ANK2: variants seen among roughly 807,000 people sequenced by gnomAD.
ANK2 encodes ankyrin 2.
Under a neutral mutation model 360.5 loss-of-function variants are expected in ANK2, and 83 were observed. The ratio of observed to expected loss-of-function variants is 0.23; its 90% confidence interval spans 0.19 to 0.28. ANK2 has a LOEUF of 0.28. Ranked by LOEUF, ANK2 falls within the 10% of genes least tolerant of loss-of-function variation. The pLI is 1.00. For missense variants in ANK2, 4,201 were observed against 4,795.7 expected (o/e 0.88, Z 3.66); for synonymous variants, 1,740 against 1,759.5 (o/e 0.99, Z 0.28).
chr4:112,777,720 C>T, the ANK2 span, among the ~76,000 whole-genome samples: 1 of 150,964 alleles, frequency 6.6e-6, no homozygotes, highest in Non-Finnish European at 1.5e-5. Flanking sequence ...CAGGTTCAAC[C>T]GATTCTCCTG....
intron 2 of ANK2, among the ~76,000 whole-genome samples, chr4:112,973,310 T>G (rs1414449908): frequency 1.3e-5 from 2 of 152,196 alleles, no homozygotes; most frequent in East Asian, 3.8e-4. Context: ...CACAAAACTC[T>G]AGCAAATAGG....
At chr4:112,836,869 A>C (rs1321311753) in intron 1 of ANK2, among the ~76,000 whole-genome samples, 1 of 152,202 alleles carries the variant, frequency 6.6e-6, no homozygotes, top group East Asian at 1.9e-4. Flanking sequence ...CTTATGTTTA[A>C]AAGGGAAACA....
chr4:112,969,155 T>C (rs77108969), intron 2 of ANK2, among the ~76,000 whole-genome samples: 1,599 of 152,340 alleles, frequency 0.01, 16 homozygotes, highest in South Asian at 0.017. Context: ...AGTTAATGAA[T>C]GATGGTATCT....
the ANK2 span, among the ~76,000 whole-genome samples, chr4:112,728,097 A>G: frequency 6.6e-6 from 1 of 151,980 alleles, no homozygotes; most frequent in Non-Finnish European, 1.5e-5. Flanking sequence ...GTTCAAGAGC[A>G]GCCTGTCCAA....
chr4:112,830,614 TA>T (rs142979538), intron 1 of ANK2, among the ~76,000 whole-genome samples: 17,859 of 145,330 alleles, frequency 0.12, 1,752 homozygotes, highest in African/African-American at 0.28. Flanking sequence ...CAATTATTAT[TA>T]TTATTTTTTT....
intron 4 of ANK2, among the ~76,000 whole-genome samples, chr4:113,231,384 C>A (rs965222772): frequency 6.6e-6 from 1 of 152,084 alleles, no homozygotes; most frequent in East Asian, 1.9e-4. Context: ...AATTTGTAGT[C>A]TCTCCTAGCC....
chr4:113,001,965 T>TA (rs1461062748), intron 2 of ANK2, among the ~76,000 whole-genome samples: 1 of 152,150 alleles, frequency 6.6e-6, no homozygotes, highest in Non-Finnish European at 1.5e-5. Context: ...TCTAATGTCT[T>TA]AAAAATTCCA....
intron 24 of ANK2, among the ~76,000 whole-genome samples, chr4:113,312,294 A>AG (rs1458123181): frequency 2.8e-4 from 42 of 148,346 alleles, no homozygotes; most frequent in African/African-American, 1.1e-3. Context: ...AAAAAAAAAG[A>AG]AAAGAAAAGA....
intron 4 of ANK2, among the ~76,000 whole-genome samples, chr4:113,209,575 G>T (rs1225057961): frequency 6.6e-6 from 1 of 152,008 alleles, no homozygotes; most frequent in South Asian, 2.1e-4. Context: ...AGAAAGGAAG[G>T]TGTTTATTGG....
intron 1 of ANK2, among the ~76,000 whole-genome samples, chr4:112,893,378 G>T (rs533466671): frequency 6.6e-6 from 1 of 152,038 alleles, no homozygotes; most frequent in South Asian, 2.1e-4. Flanking sequence ...TCCTAGGCTG[G>T]TCTCAACCTC....
chr4:113,353,226 G>A lies in ANK2; in HGVS notation c.4608G>A (p.Glu1536=). The A allele has an allele frequency of 6.2e-7, 1 of 1,613,968 alleles. No homozygotes were observed. The highest frequency in any genetic ancestry group is 8.5e-7 in the Non-Finnish European group (1 of 1,179,944). ...AGGCAGGTTCTATTAAAGTGAAGGA[G>A]CTGGTGAAGGCTGCTGAGGAAGAGC... is the stretch of plus-strand genomic sequence containing the variant. ...SDKAGSIKVK[E]LVKAAEEEPG... The change falls in exon 38 of 46, where the codon GAG becomes GAA. Residue 1536 remains glutamate (E), a synonymous_variant. Coordinates refer to ENST00000357077, the MANE Select transcript of ANK2 (RefSeq NM_001148.6).
At chr4:113,231,328 A>G (rs1178346149) in intron 4 of ANK2, among the ~76,000 whole-genome samples, 2 of 152,154 alleles carry the variant, frequency 1.3e-5, no homozygotes, top group Non-Finnish European at 2.9e-5. Context: ...CTGGGATTAC[A>G]GGCGTGAGCC....
At chr4:112,956,537 C>T (rs1035265179) in intron 2 of ANK2, among the ~76,000 whole-genome samples, 1 of 152,184 alleles carries the variant, frequency 6.6e-6, no homozygotes, top group Middle Eastern at 3.2e-3. Context: ...GAGAAGGCTT[C>T]TAAGTGACTA....
At chr4:113,328,873 A>T (rs1440345238) in intron 26 of ANK2, among the ~76,000 whole-genome samples, 2 of 152,222 alleles carry the variant, frequency 1.3e-5, no homozygotes, top group African/African-American at 4.8e-5. Context: ...TTCTTCATTT[A>T]TCTAAAAATA....
intron 1 of ANK2, among the ~76,000 whole-genome samples, chr4:113,062,826 C>A (rs1269025085): frequency 6.6e-6 from 1 of 152,024 alleles, no homozygotes; most frequent in South Asian, 2.1e-4. Context: ...GACTATTTGT[C>A]CAATAGGCTA....
chr4:113,236,320 T>G (rs973640238), intron 5 of ANK2, among the ~76,000 whole-genome samples: 4 of 152,176 alleles, frequency 2.6e-5, no homozygotes, highest in Non-Finnish European at 4.4e-5. Flanking sequence ...TAAGCTGTCT[T>G]TTTAAGTTTA....
intron 23 of ANK2, among the ~76,000 whole-genome samples, chr4:113,309,575 G>A (rs1458840037): frequency 2.6e-5 from 4 of 152,146 alleles, no homozygotes; most frequent in African/African-American, 9.7e-5. Context: ...CTGTAGTGCA[G>A]TGGTGCGATC....
intron 45 of ANK2, chr4:113,374,917 C>T: frequency 5.7e-6 from 7 of 1,227,986 alleles, no homozygotes; most frequent in Non-Finnish European, 6.3e-6. Flanking sequence ...AGCCACTGAT[C>T]TTCCTTCAGC....
At chr4:113,030,074 T>C (rs1230093224) in intron 2 of ANK2, among the ~76,000 whole-genome samples, 1 of 152,098 alleles carries the variant, frequency 6.6e-6, no homozygotes, top group African/African-American at 2.4e-5. Flanking sequence ...GTGTACTATG[T>C]GAATTATAAA....
Sources: allele counts gnomAD v4.1 joint callset (sites outside exome capture counted in the v4.1 genomes callset), GRCh38; gene constraint gnomAD v4.1.1; transcripts MANE v1.5; gene names NCBI Gene and HGNC (gene_info 2026-07-23, HGNC 2026-07-21).